The following COL6A6 variants were observed in gnomAD, a reference collection of about 807,000 sequenced individuals.
COL6A6 encodes collagen alpha-6(VI) chain.
Under a neutral mutation model 208.6 loss-of-function variants are expected in COL6A6, and 183 were observed. That is an observed-to-expected ratio of 0.88 (90% CI 0.78 to 0.99). The LOEUF is 0.99. Ranked by LOEUF, COL6A6 falls within the 50% of genes least tolerant of loss-of-function variation. The pLI is 0.00. For synonymous variants in COL6A6, 973 were observed against 1,011.8 expected, an observed-to-expected ratio of 0.96 and a Z score of 0.73; for missense variants, 2,816 against 2,815.2, an observed-to-expected ratio of 1.00 and a Z score of -0.01.
At chr3:130,667,815 T>C (rs1249062539) in intron 36 of COL6A6, among the ~76,000 whole-genome samples, 1 of 151,774 alleles carries the variant, frequency 6.6e-6, no homozygotes, top group Non-Finnish European at 1.5e-5. Flanking sequence ...CACAGGGAGA[T>C]AGATGGAGTT....
Position 130,658,718 on chromosome 3 carries a change from G to C in COL6A6, c.5776G>C (p.Gly1926Arg). Residue 1926 changes from glycine (G) to arginine (R), a missense_variant, in exon 34 of 37, where the codon GGG becomes CGG. Gly to Arg is a moderately radical substitution (Grantham distance 125, BLOSUM62 -2). Coordinates refer to ENST00000358511, the MANE Select transcript of COL6A6 (RefSeq NM_001102608.3). Reference protein sequence around the residue: ...GTFQVIVVPSGADYIPALERL... With the variant: ...GTFQVIVVPSRADYIPALERL... The stretch of plus-strand genomic sequence containing the variant: ...ATTTCAAGTAATAGTGGTTCCCTCC[G>C]GGGCCGACTACATACCAGCATTAGA... The C allele has an allele frequency of 1.2e-6, 2 of 1,613,104 alleles. No individual in the cohort carries two copies. Among genetic ancestry groups the C allele is most frequent in the Non-Finnish European group, 1.7e-6 (2 of 1,179,550 alleles).
intron 23 of COL6A6, among the ~76,000 whole-genome samples, chr3:130,618,869 A>T (rs1208661053): frequency 6.6e-6 from 1 of 152,218 alleles, no homozygotes; most frequent in Non-Finnish European, 1.5e-5. Context: ...CTACACATGA[A>T]ATAATCTCCC....
chr3:130,553,674 G>T (rs2062699666), intron 1 of COL6A6, among the ~76,000 whole-genome samples: 1 of 151,880 alleles, frequency 6.6e-6, no homozygotes. Context: ...TTCAATCTGG[G>T]TAAGAACCAT....
chr3:130,664,848 C>G (rs2066032670), intron 35 of COL6A6, among the ~76,000 whole-genome samples, 155 bp from the exon 36 acceptor site: 1 of 152,088 alleles, frequency 6.6e-6, no homozygotes. Flanking sequence ...TAAAGATTCC[C>G]CTGAGAAATC....
At chr3:130,548,618 CCTT>C (rs2062573591) in intron 1 of COL6A6, among the ~76,000 whole-genome samples, 1 of 152,200 alleles carries the variant, frequency 6.6e-6, no homozygotes, top group African/African-American at 2.4e-5. Context: ...CTAATTGTCT[CCTT>C]CTGCCAGAAG....
At chr3:130,581,538 C>G in intron 8 of COL6A6, 23 bp from the exon 9 acceptor site, 3 of 1,529,658 alleles carry the variant, frequency 2.0e-6, no homozygotes, top group Non-Finnish European at 2.7e-6. Context: ...TTTATTAAGA[C>G]ATGCTTTTCC....
intron 36 of COL6A6, among the ~76,000 whole-genome samples, chr3:130,669,251 C>T (rs1454378537): frequency 6.6e-6 from 1 of 151,978 alleles, no homozygotes; most frequent in African/African-American, 2.4e-5. Flanking sequence ...AAAAATTAGC[C>T]AGGCGTGATG....
At chr3:130,549,185 T>A (rs958451210) in intron 1 of COL6A6, among the ~76,000 whole-genome samples, 18 of 152,214 alleles carry the variant, frequency 1.2e-4, no homozygotes, top group African/African-American at 4.3e-4. Context: ...TTTTTGTTTT[T>A]TTGAGACAAG....
rs1171911093 is a variant in COL6A6 at position 130,554,698 on chromosome 3, T to G, written c.-31-5636T>G. Reference sequence around the variant, plus strand: ...ACACCATAAGGTGTACACATCCACCTGTGGAGAAGGGGAGGTGAGGTCTTC... The same window carrying G: ...ACACCATAAGGTGTACACATCCACCGGTGGAGAAGGGGAGGTGAGGTCTTC... On this transcript the variant is annotated intron_variant, in intron 1 of 36. Coordinates refer to ENST00000358511, the MANE Select transcript of COL6A6 (RefSeq NM_001102608.3). Among the ~76,000 whole-genome samples the G allele has an allele frequency of 3.3e-5, 5 of 152,160 alleles. No homozygotes were observed. In the East Asian group the frequency reaches 9.6e-4, roughly 29 times the overall value.
rs1259834798 is a variant in COL6A6, at chr3:130,661,884, G to A, written c.6078G>A (p.Lys2026=). Residue 2026 remains lysine (K), a synonymous_variant, in exon 35 of 37, where the codon AAG becomes AAA. Coordinates refer to ENST00000358511, the MANE Select transcript of COL6A6 (RefSeq NM_001102608.3). ...APPDFLPNTQ[K]SPVRAEFNLT... The stretch of plus-strand genomic sequence containing the variant: ...CCGACTTCCTACCCAACACTCAGAA[G>A]AGTCCAGTTAGAGCTGAGTTCAATC... The A allele has an allele frequency of 6.2e-7, 1 of 1,613,974 alleles. No homozygotes were observed. Among genetic ancestry groups the A allele is most frequent in the Admixed American group, 1.7e-5 (1 of 60,020 alleles).
At chr3:130,526,120 A>G (rs2061955931) in intron 1 of COL6A6, among the ~76,000 whole-genome samples, 1 of 152,156 alleles carries the variant, frequency 6.6e-6, no homozygotes, top group Admixed American at 6.5e-5. Context: ...ATGCTACCTT[A>G]ATTAAGAAAT....
chr3:130,537,117 A>G (rs896193537), intron 1 of COL6A6, among the ~76,000 whole-genome samples: 3 of 152,216 alleles, frequency 2.0e-5, no homozygotes, highest in Non-Finnish European at 2.9e-5. Context: ...GCATTATTTA[A>G]CAGTTAATTA....
chr3:130,641,299 T>C (rs1381347142), intron 28 of COL6A6, among the ~76,000 whole-genome samples: 1 of 151,286 alleles, frequency 6.6e-6, no homozygotes, highest in Non-Finnish European at 1.5e-5. Flanking sequence ...CTGTGAAAAA[T>C]GATTTTGCCA....
At position 130,643,012 on chromosome 3, in the gene COL6A6, G is replaced by T; in HGVS notation, c.5216G>T (p.Arg1739Leu). 6.2e-7 allele frequency: 1 copy of T among 1,613,542 alleles called. No individual in the cohort carries two copies. Among genetic ancestry groups the T allele is most frequent in the Non-Finnish European group, 8.5e-7 (1 of 1,179,624 alleles). Residue 1739 changes from arginine (R) to leucine (L), a missense_variant, in exon 31 of 37, where the codon CGA becomes CTA. Arg to Leu is a moderately radical substitution (Grantham distance 102, BLOSUM62 -2). Transcript: ENST00000358511. ...ACATGTGAGCTCATTCAGTATGTGC[G>T]AGACCGCAGTCGTAAGTACCCTGCT... ...FSTCELIQYV[R>L]DRSPGRHGKP... is the part of the protein sequence containing the mutation.
At chr3:130,610,060 A>G (rs1209510681) in intron 22 of COL6A6, among the ~76,000 whole-genome samples, 3 of 151,640 alleles carry the variant, frequency 2.0e-5, no homozygotes, top group African/African-American at 7.3e-5. Flanking sequence ...CTAAGCAAGT[A>G]ATACTATGGC....
At chr3:130,603,833 C>T (rs966522482) in intron 20 of COL6A6, among the ~76,000 whole-genome samples, 1 of 152,076 alleles carries the variant, frequency 6.6e-6, no homozygotes, top group Non-Finnish European at 1.5e-5. Flanking sequence ...GATAATTCTC[C>T]ATCCTGATGG....
chr3:130,647,689 A>T (rs2065501008), intron 32 of COL6A6, among the ~76,000 whole-genome samples: 1 of 152,214 alleles, frequency 6.6e-6, no homozygotes, highest in African/African-American at 2.4e-5. Flanking sequence ...TGGCAGAGGG[A>T]TGTCTCCTTG....
In COL6A6 at chr3:130,599,870, T is replaced by C. The variant is rs2108133365; in HGVS notation, c.4653+60T>C. The C allele has an allele frequency of 4.6e-6, 7 of 1,531,372 alleles. No individual in the cohort carries two copies. The South Asian group carries it at 6.8e-5, about 15-fold the overall frequency. The allele number at this position is 1,531,372 out of a possible 1,614,324, so 94.9% of individuals were successfully genotyped here. Reference sequence around the variant, plus strand: ...TTGGTGGCTCATGTTGTGGTGAAAATGGCTGACTTTGGGGGAGTGGGTGGG... The same window carrying C: ...TTGGTGGCTCATGTTGTGGTGAAAACGGCTGACTTTGGGGGAGTGGGTGGG... On this transcript the variant is annotated intron_variant, in intron 20 of 36. Transcript: ENST00000358511.
intron 28 of COL6A6, among the ~76,000 whole-genome samples, chr3:130,640,863 T>C (rs1294427305): frequency 6.6e-6 from 1 of 152,240 alleles, no homozygotes; most frequent in Non-Finnish European, 1.5e-5. Context: ...TCTAGACTTT[T>C]TGCTTTTTGT....
Sources: gnomAD v4.1 joint callset for allele counts (sites outside exome capture counted in the v4.1 genomes callset) on GRCh38, gnomAD v4.1.1 for gene constraint, MANE v1.5 for transcripts, NCBI Gene and HGNC (gene_info 2026-07-23, HGNC 2026-07-21) for gene names.